Variants in ZNF433 observed in about 807,000 individuals in gnomAD.
ZNF433 encodes zinc finger protein 433.
Under a neutral mutation model 10.6 loss-of-function variants are expected in ZNF433, and 12 were observed. That is an observed-to-expected ratio of 1.13 (90% CI 0.72 to 1.83). The LOEUF (loss-of-function observed/expected upper bound fraction) is 1.83. Ranked by LOEUF, ZNF433 falls within the 40% of genes most tolerant of loss-of-function variation. ZNF433 has a pLI of 0.00. For synonymous variants in ZNF433, 272 were observed against 271.3 expected, an observed-to-expected ratio of 1.00 and a Z score of -0.02; for missense variants, 737 against 798.0, an observed-to-expected ratio of 0.92 and a Z score of 0.92.
intron 1 of ZNF433, among the ~76,000 whole-genome samples, chr19:12,022,575 T>C (rs951172942): frequency 6.6e-6 from 1 of 152,130 alleles, no homozygotes; most frequent in Admixed American, 6.6e-5. Flanking sequence ...AGTTGGAGAA[T>C]GTGGAACTAA....
At chr19:12,024,962 G>A (rs554037363) in intron 1 of ZNF433, 1 of 152,152 alleles carries the variant, frequency 6.6e-6, no homozygotes, top group Admixed American at 6.5e-5. Context: ...TGACTTTGTG[G>A]GTATTCTCGA....
intron 1 of ZNF433, chr19:12,023,770 G>GT (rs1240189720): frequency 2.0e-5 from 3 of 152,068 alleles, no homozygotes; most frequent in African/African-American, 7.2e-5. Flanking sequence ...TCGATCAATT[G>GT]TAACTTCTGT....
Position 12,015,671 on chromosome 19 carries a change from C to T in ZNF433, c.1187G>A (p.Cys396Tyr). Residue 396 changes from cysteine to tyrosine, a missense_variant, in exon 4 of 4, where the codon TGT becomes TAT. By Grantham distance (194) the Cys-to-Tyr change is radical. Coordinates refer to ENST00000550507, the MANE Select transcript of ZNF433 (RefSeq NM_001308348.2). ...TGEKPYKCNQCGKAFNSSSSF... is the reference protein window; with the variant it reads ...TGEKPYKCNQYGKAFNSSSSF... ...ACTGGAAGAATTAAAGGCTTTACCA[C>T]ATTGGTTGCATTTATAGGGTTTCTC... 1.2e-6 allele frequency: 2 copies of T among 1,613,948 alleles called. No individual in the cohort carries two copies. The highest frequency in any genetic ancestry group is 1.7e-6 in the Non-Finnish European group (2 of 1,179,980).
intron 1 of ZNF433, among the ~76,000 whole-genome samples, chr19:12,029,768 T>C (rs1268765387): frequency 6.6e-6 from 1 of 151,398 alleles, no homozygotes; most frequent in Non-Finnish European, 1.5e-5. Context: ...TTCCTCTTTC[T>C]CTCTGTCATG....
intron 1 of ZNF433, among the ~76,000 whole-genome samples, chr19:12,032,056 A>T (rs1249905643): frequency 6.7e-6 from 1 of 149,954 alleles, no homozygotes; most frequent in African/African-American, 2.5e-5. Flanking sequence ...CTCCTGCCTC[A>T]GCCTCCCGAG....
chr19:12,023,776 T>C (rs1287413165), intron 1 of ZNF433: 2 of 152,136 alleles, frequency 1.3e-5, no homozygotes, highest in East Asian at 3.8e-4. Flanking sequence ...AATTGTAACT[T>C]CTGTACCTAT....
Position 12,015,639 on chromosome 19 carries a change from G to C in ZNF433, c.1219C>G (p.Arg407Gly). 1.2e-6 allele frequency: 2 copies of C among 1,613,804 alleles called. No individual in the cohort carries two copies. The highest frequency in any genetic ancestry group is 1.7e-6 in the Non-Finnish European group (2 of 1,179,966). Residue 407 changes from arginine to glycine, a missense_variant, in exon 4 of 4, where the codon CGA (arginine) becomes GGA (glycine). By Grantham distance (125) the Arg-to-Gly change is moderately radical. Transcript: ENST00000550507. ...GKAFNSSSSFRYHERTHTGEK... is the reference protein window; with the variant it reads ...GKAFNSSSSFGYHERTHTGEK... Reference sequence around the variant, plus strand: ...CCAGTGTGAGTTCTTTCATGATATCGGAAGGAACTGGAAGAATTAAAGGCT... The same window carrying C: ...CCAGTGTGAGTTCTTTCATGATATCCGAAGGAACTGGAAGAATTAAAGGCT...
chr19:12,031,307 A>AC (rs1975011448), intron 1 of ZNF433, among the ~76,000 whole-genome samples: 1 of 130,814 alleles, frequency 7.6e-6, no homozygotes, highest in African/African-American at 4.4e-5. Context: ...AAAAAAAAAA[A>AC]AAACAAAACA....
chr19:12,016,064 C>CA lies in ZNF433; in HGVS notation c.793dup (p.Cys265LeufsTer6). The CA allele has an allele frequency of 2.5e-6, 4 of 1,613,738 alleles. No homozygotes were observed. The highest frequency in any genetic ancestry group is 3.4e-6 in the Non-Finnish European group (4 of 1,179,942). On this transcript the variant is annotated frameshift_variant, in exon 4 of 4. Transcript: ENST00000550507. LOFTEE classifies it low-confidence loss of function (END_TRUNC). Reference sequence around the variant, plus strand: ...GTGAGTTCTTTTATGAGCATGAAGGCATGTGGAACTATGGAATGCTTTCCC... The same window carrying CA: ...GTGAGTTCTTTTATGAGCATGAAGGCAATGTGGAACTATGGAATGCTTTCCC...
At chr19:12,018,028 C>T in intron 2 of ZNF433, 92 bp from the exon 3 acceptor site, 3 of 1,289,276 alleles carry the variant, frequency 2.3e-6, no homozygotes, top group Non-Finnish European at 3.2e-6. Flanking sequence ...TGCAAGCATG[C>T]TTCCTTTATT....
chr19:12,027,377 A>G (rs1262674466), intron 1 of ZNF433, among the ~76,000 whole-genome samples: 1 of 152,268 alleles, frequency 6.6e-6, no homozygotes, highest in Non-Finnish European at 1.5e-5. Context: ...AAATCTGGCC[A>G]TAAACAAAAT....
rs762127379 is a variant in ZNF433, at chr19:12,016,566, C to A, written c.292G>T (p.Val98Leu). The change falls in exon 4 of 4, where the codon GTA (valine) becomes TTA (leucine). Residue 98 changes from valine to leucine, a missense_variant. Val to Leu is a conservative substitution (Grantham distance 32, BLOSUM62 1). Coordinates refer to ENST00000550507, the MANE Select transcript of ZNF433 (RefSeq NM_001308348.2). Reference protein sequence around the residue: ...DDMLKKTTTGVKSCESSVYGE... With the variant: ...DDMLKKTTTGLKSCESSVYGE... ...TACACACTGCTTTCGCATGATTTTA[C>A]TCCAGTAGTTGTTTTCTTCAGCATG... 6.2e-7 allele frequency: 1 copy of A among 1,614,142 alleles called. No homozygotes were observed. The highest frequency in any genetic ancestry group is 1.7e-5 in the Admixed American group (1 of 60,018).
At chr19:12,022,793 A>G (rs1360759020) in intron 1 of ZNF433, among the ~76,000 whole-genome samples, 1 of 152,200 alleles carries the variant, frequency 6.6e-6, no homozygotes, top group East Asian at 1.9e-4. Context: ...AAGGAGGAAG[A>G]GTCCATCCCT....
chr19:12,018,000 T>A, intron 2 of ZNF433, 64 bp from the exon 3 acceptor site: 1 of 1,345,582 alleles, frequency 7.4e-7, no homozygotes, highest in Non-Finnish European at 1.0e-6. Context: ...ATTACATGAT[T>A]CTATGTTCAT....
In ZNF433 at chr19:12,029,804, G is replaced by A. The variant is rs142614066; in HGVS notation, c.3+5733C>T. On this transcript the variant is annotated intron_variant, in intron 1 of 3. Transcript: ENST00000550507. Reference sequence around the variant, plus strand: ...TGAAAAAATAAAAAAATAGCTGGCCGGGCGCGGTGGCTCACACATGTAATC... The same window carrying A: ...TGAAAAAATAAAAAAATAGCTGGCCAGGCGCGGTGGCTCACACATGTAATC... 2.7e-3 allele frequency among the ~76,000 whole-genome samples: 406 copies of A among 151,870 alleles called. 5 individuals are homozygous for A. The highest frequency in any genetic ancestry group is 7.8e-3 in the African/African-American group (324 of 41,448).
Position 12,018,281 on chromosome 19 carries a change from G to A in ZNF433, c.15C>T (p.Ala5=), listed in dbSNP as rs1974315561. The A allele has an allele frequency of 6.2e-7, 1 of 1,613,368 alleles. No homozygotes were observed. The highest frequency in any genetic ancestry group is 1.1e-5 in the South Asian group (1 of 90,986). Residue 5 remains alanine (A), a synonymous_variant, in exon 2 of 4, where the codon GCC becomes GCT. Transcript: ENST00000550507. The part of the protein sequence containing the change: MDSV[A]FEDVAVTFTQ... ...TGAAGGTCACAGCCACATCCTCAAAGGCCACTGAATCCTGAAACATCTCAC... is the reference window on the plus strand; with the variant it reads ...TGAAGGTCACAGCCACATCCTCAAAAGCCACTGAATCCTGAAACATCTCAC...
In ZNF433 at chr19:12,016,386, C is replaced by CA. The variant is rs758360967; in HGVS notation, c.471dup (p.Glu158Ter). On this transcript the variant is annotated frameshift_variant, in exon 4 of 4. Transcript: ENST00000550507. LOFTEE classifies it low-confidence loss of function (END_TRUNC). ...AGTTTCCTTCCACTATGAGCCCTTT[C>CA]ATGTGTCTGAACAGAGGAGAGACAG... The CA allele has an allele frequency of 1.2e-5, 19 of 1,614,052 alleles. No individual in the cohort carries two copies. The highest frequency in any genetic ancestry group is 1.1e-4 in the East Asian group (5 of 44,888).
In ZNF433 at chr19:12,032,443, G is replaced by A. The variant is rs1013806849; in HGVS notation, c.3+3094C>T. On this transcript the variant is annotated intron_variant, in intron 1 of 3. Transcript: ENST00000550507. ...AATGTACTACACTGCCCGCAGAGAA[G>A]AAAAAAACATATTAAGAAATGGAAT... Among the ~76,000 whole-genome samples the A allele has an allele frequency of 2.1e-4, 31 of 147,366 alleles. 1 individual carries two copies. The South Asian group carries it at 3.4e-3, about 16-fold the overall frequency.
chr19:12,030,776 A>G (rs1331483320), intron 1 of ZNF433, among the ~76,000 whole-genome samples: 1 of 152,218 alleles, frequency 6.6e-6, no homozygotes, highest in African/African-American at 2.4e-5. Flanking sequence ...AATATATTGT[A>G]CATTTTGAAA....
Sources: allele counts gnomAD v4.1 joint callset (sites outside exome capture counted in the v4.1 genomes callset), GRCh38; gene constraint gnomAD v4.1.1; transcripts MANE v1.5; gene names NCBI Gene and HGNC (gene_info 2026-07-23, HGNC 2026-07-21).